LAMA4: variants seen among roughly 807,000 people sequenced by gnomAD.
The protein encoded by LAMA4 is laminin subunit alpha 4.
In LAMA4, 127 loss-of-function variants were observed where a neutral mutation model predicts 207.1. The observed-to-expected ratio is 0.61, with a 90% confidence interval of 0.53 to 0.71. LAMA4 has a LOEUF of 0.71. LAMA4 is among the 30% of genes least tolerant of loss of function. The pLI is 0.00. For missense variants in LAMA4, 2,093 were observed against 2,246.5 expected (o/e 0.93, Z 1.38); for synonymous variants, 761 against 816.0 (o/e 0.93, Z 1.15).
chr6:112,216,229 GA>G, intron 3 of LAMA4, 138 bp downstream of exon 3: 1 of 710,886 alleles, frequency 1.4e-6, no homozygotes, highest in Non-Finnish European at 2.6e-6. Flanking sequence ...TGTTTCACAG[GA>G]AAAGCTGAAG....
chr6:112,113,726 C>T lies in LAMA4; in HGVS notation c.5326+350G>A, dbSNP rs910337369. ...AGCAACTAACAGCAAACTTAATCCT[C>T]CAAAGTTCTCAGATCCTACTGTAGT... On this transcript the variant is annotated intron_variant, in intron 38 of 38. Transcript: ENST00000230538. Among the ~76,000 whole-genome samples, 4 of 152,176 alleles carry T rather than the reference C, an allele frequency of 2.6e-5. No individual in the cohort carries two copies. The East Asian group carries it at 7.7e-4, about 29-fold the overall frequency.
chr6:112,199,192 A>G (rs1783591577), intron 5 of LAMA4, among the ~76,000 whole-genome samples: 1 of 152,124 alleles, frequency 6.6e-6, no homozygotes, highest in Non-Finnish European at 1.5e-5. Flanking sequence ...GTGGGCGTGC[A>G]GTCCTGCTGA....
rs1202468548 is a variant in LAMA4 at position 112,157,492 on chromosome 6, G to A, written c.1817+1240C>T. On this transcript the variant is annotated intron_variant, in intron 14 of 38. Coordinates refer to ENST00000230538, the MANE Select transcript of LAMA4 (RefSeq NM_001105206.3). ...ACCTTTTGAATGAAGATGTCTCTAA[G>A]TTGAAATGCTTTCATGAATATATAG... Among the ~76,000 whole-genome samples the A allele has an allele frequency of 2.6e-5, 4 of 152,180 alleles. No individual in the cohort carries two copies. In the East Asian group the frequency reaches 7.7e-4, roughly 29 times the overall value.
intron 3 of LAMA4, chr6:112,213,539 ATAG>A (rs1221191203): frequency 2.0e-5 from 3 of 152,322 alleles, no homozygotes; most frequent in African/African-American, 7.2e-5. Context: ...CACTCAAAAC[ATAG>A]TAGATTTCTA....
At chr6:112,178,487 T>C (rs1782154476) in intron 9 of LAMA4, 2 of 446,600 alleles carry the variant, frequency 4.5e-6, no homozygotes, top group Admixed American at 6.9e-5. Context: ...ATGAGTAAGT[T>C]CTTTAGTGGT....
intron 5 of LAMA4, chr6:112,196,593 G>C (rs1360699623): frequency 6.6e-6 from 1 of 152,156 alleles, no homozygotes. Context: ...ATGAGGATGA[G>C]AATTGCAAAA....
intron 38 of LAMA4, among the ~76,000 whole-genome samples, chr6:112,112,934 G>A (rs1384295363): frequency 2.6e-5 from 4 of 152,114 alleles, no homozygotes; most frequent in Admixed American, 2.0e-4. Flanking sequence ...AATATCATGT[G>A]TCCTCACTCA....
intron 2 of LAMA4, among the ~76,000 whole-genome samples, chr6:112,248,995 GTAT>G (rs1466088121): frequency 6.6e-6 from 1 of 152,210 alleles, no homozygotes; most frequent in Non-Finnish European, 1.5e-5. Context: ...AAGTCAACAA[GTAT>G]TAGTTTTTTT....
chr6:112,207,871 C>G (rs1341762514), intron 3 of LAMA4, among the ~76,000 whole-genome samples: 1 of 152,158 alleles, frequency 6.6e-6, no homozygotes, highest in East Asian at 1.9e-4. Flanking sequence ...CTTTCAGGAT[C>G]CTTCCTTCTT....
In LAMA4 at chr6:112,109,290, T is replaced by C; in HGVS notation, c.*147A>G. On this transcript the variant is annotated 3_prime_UTR_variant, in exon 39 of 39. Coordinates refer to ENST00000230538, the MANE Select transcript of LAMA4 (RefSeq NM_001105206.3). ...AAGAATCCAAATGAGAAATAAGAAA[T>C]ATCCGGTCCCTGATGATTCGTTTAA... 1.2e-6 allele frequency: 1 copy of C among 847,394 alleles called. No individual in the cohort carries two copies. Among genetic ancestry groups the C allele is most frequent in the South Asian group, 1.5e-5 (1 of 65,588 alleles). The allele number at this position is 847,394 out of a possible 1,614,324, so 52.5% of individuals were successfully genotyped here.
intron 5 of LAMA4, 152 bp downstream of exon 5, chr6:112,201,456 C>T (rs1436980069): frequency 2.6e-6 from 2 of 770,352 alleles, no homozygotes; most frequent in African/African-American, 3.4e-5. Context: ...TTTAGGAAAA[C>T]TTCCCTAAGG....
At chr6:112,140,728 G>T in intron 22 of LAMA4, 32 bp downstream of exon 22, 1 of 1,602,532 alleles carries the variant, frequency 6.2e-7, no homozygotes, top group East Asian at 2.2e-5. Context: ...CTGTAGATTT[G>T]TAATAGGTCA....
intron 3 of LAMA4, among the ~76,000 whole-genome samples, chr6:112,208,376 C>A (rs1311175472): frequency 6.6e-6 from 1 of 152,160 alleles, no homozygotes; most frequent in Non-Finnish European, 1.5e-5. Context: ...TAGCAAGGCC[C>A]TGCTCTAAAC....
chr6:112,166,943 G>A (rs1781416707), intron 12 of LAMA4, among the ~76,000 whole-genome samples: 1 of 152,054 alleles, frequency 6.6e-6, no homozygotes, highest in Non-Finnish European at 1.5e-5. Context: ...AACAGTCCTG[G>A]GAAGGTAAAG....
intron 7 of LAMA4, 53 bp downstream of exon 7, chr6:112,189,057 C>A (rs549825889): frequency 7.7e-7 from 1 of 1,295,442 alleles, no homozygotes; most frequent in East Asian, 2.3e-5. Flanking sequence ...AATCCCACAC[C>A]TGCAGCACAT....
intron 3 of LAMA4, among the ~76,000 whole-genome samples, chr6:112,209,620 C>G (rs1461837903): frequency 6.6e-6 from 1 of 152,216 alleles, no homozygotes; most frequent in Non-Finnish European, 1.5e-5. Flanking sequence ...TTGAACAAGT[C>G]TCTTGACCTT....
intron 28 of LAMA4, 23 bp downstream of exon 28, chr6:112,132,730 C>G (rs782001036): frequency 1.2e-6 from 2 of 1,608,220 alleles, no homozygotes; most frequent in Non-Finnish European, 1.7e-6. Context: ...AAGAAGTTTC[C>G]TCAGAGAAAA....
intron 2 of LAMA4, among the ~76,000 whole-genome samples, chr6:112,235,933 C>T (rs1365979665): frequency 3.3e-5 from 5 of 152,080 alleles, no homozygotes; most frequent in African/African-American, 9.7e-5. Flanking sequence ...TGACCAAAGG[C>T]GAAGAGAACT....
At chr6:112,128,744 T>C (rs574122548) in intron 31 of LAMA4, among the ~76,000 whole-genome samples, 178 bp downstream of exon 31, 2 of 152,296 alleles carry the variant, frequency 1.3e-5, no homozygotes, top group South Asian at 4.1e-4. Flanking sequence ...AATGCTTCTA[T>C]AACAAAGAAT....
Sources: gnomAD v4.1 joint callset for allele counts (sites outside exome capture counted in the v4.1 genomes callset) on GRCh38, gnomAD v4.1.1 for gene constraint, MANE v1.5 for transcripts, NCBI Gene and HGNC (gene_info 2026-07-23, HGNC 2026-07-21) for gene names.